Variants in PDE8A observed in about 807,000 individuals in gnomAD.
The protein encoded by PDE8A is phosphodiesterase 8A, also known as high affinity cAMP-specific and IBMX-insensitive 3',5'-cyclic phosphodiesterase 8A.
A neutral mutation model predicts 105.0 loss-of-function variants in PDE8A; 59 were observed. The ratio of observed to expected loss-of-function variants is 0.56; its 90% CI spans 0.46 to 0.70. PDE8A has a LOEUF of 0.70. PDE8A is among the 30% of genes least tolerant of loss of function. The probability of loss-of-function intolerance (pLI) is 0.00; values close to 1 mark genes in which losing one functional copy is unlikely to be tolerated. For synonymous variants in PDE8A, 355 were observed against 371.9 expected (o/e 0.95, Z 0.52); for missense variants, 1,014 against 1,045.9 (o/e 0.97, Z 0.42).
chr15:85,086,169 G>A (rs1379054724), intron 6 of PDE8A, among the ~76,000 whole-genome samples: 2 of 152,110 alleles, frequency 1.3e-5, no homozygotes, highest in African/African-American at 2.4e-5. Flanking sequence ...TGTCCTACCC[G>A]CAAAATGAAC....
intron 20 of PDE8A, 26 bp downstream of exon 20, chr15:85,126,400 C>T (rs2082259629): frequency 6.7e-7 from 1 of 1,485,514 alleles, no homozygotes; most frequent in Non-Finnish European, 9.1e-7. Flanking sequence ...TTTTAAGTTT[C>T]TAGAGAGAGA....
intron 5 of PDE8A, among the ~76,000 whole-genome samples, chr15:85,077,427 G>A (rs2081395203): frequency 6.6e-6 from 1 of 152,232 alleles, no homozygotes; most frequent in African/African-American, 2.4e-5. Flanking sequence ...GCCCAGGTTA[G>A]TATAAGAAAG....
At chr15:84,992,026 C>T (rs1021184783) in intron 1 of PDE8A, among the ~76,000 whole-genome samples, 2 of 152,218 alleles carry the variant, frequency 1.3e-5, no homozygotes, top group East Asian at 1.9e-4. Context: ...TATAGTAATA[C>T]ACACATAGGT....
chr15:85,079,075 GTGCCTCC>G (rs1248085896), intron 5 of PDE8A, among the ~76,000 whole-genome samples: 1 of 152,134 alleles, frequency 6.6e-6, no homozygotes, highest in Non-Finnish European at 1.5e-5. Flanking sequence ...CTCCTTCATG[GTGCCTCC>G]TGCTTTCTCT....
chr15:85,043,700 G>GTTT (rs1327818451), intron 1 of PDE8A, among the ~76,000 whole-genome samples: 7 of 151,186 alleles, frequency 4.6e-5, no homozygotes, highest in African/African-American at 1.7e-4. Flanking sequence ...TTGTTTGTTT[G>GTTT]TTTGTTTGTT....
intron 7 of PDE8A, among the ~76,000 whole-genome samples, chr15:85,090,464 T>C (rs1306630654): frequency 6.6e-6 from 1 of 152,240 alleles, no homozygotes; most frequent in East Asian, 1.9e-4. Flanking sequence ...TACAGTCATA[T>C]CTGAAACTTA....
chr15:85,055,402 C>T (rs1397906771), intron 1 of PDE8A, among the ~76,000 whole-genome samples: 2 of 152,144 alleles, frequency 1.3e-5, no homozygotes, highest in Admixed American at 6.5e-5. Flanking sequence ...CTAATGTTGA[C>T]AGTGGGATGT....
At chr15:85,021,474 C>T (rs1484764207) in intron 1 of PDE8A, among the ~76,000 whole-genome samples, 2 of 152,036 alleles carry the variant, frequency 1.3e-5, no homozygotes, top group Non-Finnish European at 2.9e-5. Flanking sequence ...GGGAGGATTG[C>T]TTGTGCCCAG....
In PDE8A at chr15:85,137,865, G is replaced by A; in HGVS notation, c.2452G>A (p.Glu818Lys). The A allele has an allele frequency of 3.7e-6, 6 of 1,613,328 alleles. No individual in the cohort carries two copies. The highest frequency in any genetic ancestry group is 5.1e-6 in the Non-Finnish European group (6 of 1,179,254). The change falls in exon 22 of 22, where the codon GAA becomes AAA. Residue 818 changes from glutamate to lysine, a missense_variant. By Grantham distance (56) the Glu-to-Lys change is moderately conservative. Coordinates refer to ENST00000394553, the MANE Select transcript of PDE8A (RefSeq NM_002605.3). ...NNFKYWKGLD[E>K]MKLRNLRPPP... The stretch of plus-strand genomic sequence containing the variant: ...CTTTAAATACTGGAAAGGACTGGAC[G>A]AAATGAAGCTGCGGAACCTCCGACC...
At chr15:85,086,977 C>A (rs1182337204) in intron 6 of PDE8A, among the ~76,000 whole-genome samples, 1 of 150,470 alleles carries the variant, frequency 6.6e-6, no homozygotes, top group South Asian at 2.1e-4. Flanking sequence ...TTGGTCAGGC[C>A]GGTCTCAAAC....
At chr15:84,994,139 C>T (rs1419481060) in intron 1 of PDE8A, among the ~76,000 whole-genome samples, 1 of 152,122 alleles carries the variant, frequency 6.6e-6, no homozygotes, top group African/African-American at 2.4e-5. Flanking sequence ...CGAATTCATT[C>T]CTCAAGGTCT....
intron 5 of PDE8A, among the ~76,000 whole-genome samples, chr15:85,078,220 C>T (rs373277810): frequency 4.0e-4 from 59 of 148,622 alleles, no homozygotes; most frequent in African/African-American, 1.4e-3. Context: ...GACACACACA[C>T]TAACAGCTAG....
chr15:85,064,332 G>A (rs11073916), intron 1 of PDE8A, 38 bp from the exon 2 acceptor site: 215,441 of 1,498,974 alleles, frequency 0.14, 18,562 homozygotes, highest in East Asian at 0.39. Flanking sequence ...CTCTTTCTCC[G>A]TTGTCTTTTC....
At chr15:85,123,703 C>T (rs2082217590) in intron 19 of PDE8A, among the ~76,000 whole-genome samples, 1 of 152,224 alleles carries the variant, frequency 6.6e-6, no homozygotes, top group South Asian at 2.1e-4. Context: ...CTCACAGAAA[C>T]ACCCAGGATC....
At chr15:85,046,960 C>G (rs1183766133) in intron 1 of PDE8A, among the ~76,000 whole-genome samples, 1 of 152,112 alleles carries the variant, frequency 6.6e-6, no homozygotes, top group Non-Finnish European at 1.5e-5. Context: ...ATCATATTGT[C>G]TGATATCCTA....
intron 1 of PDE8A, among the ~76,000 whole-genome samples, chr15:85,060,327 C>T (rs781438276): frequency 3.9e-5 from 6 of 152,126 alleles, no homozygotes. Flanking sequence ...TTATTCCCAC[C>T]CTTTTCAGTT....
chr15:85,003,445 C>T (rs983634383), intron 1 of PDE8A, among the ~76,000 whole-genome samples: 10 of 152,102 alleles, frequency 6.6e-5, no homozygotes, highest in African/African-American at 1.9e-4. Flanking sequence ...ACGACCTCTG[C>T]GATGGGCAAC....
intron 15 of PDE8A, 49 bp from the exon 16 acceptor site, chr15:85,115,935 A>AT (rs2082089281): frequency 2.0e-6 from 3 of 1,521,296 alleles, no homozygotes; most frequent in Non-Finnish European, 9.0e-7. Flanking sequence ...AAAAAAAAAA[A>AT]GTTAATCCTT....
intron 1 of PDE8A, among the ~76,000 whole-genome samples, chr15:84,996,725 C>T (rs2079982174): frequency 7.1e-6 from 1 of 141,672 alleles, no homozygotes; most frequent in African/African-American, 2.6e-5. Context: ...ACTCAGGAGG[C>T]TGAGGCAGGA....
Sources: gnomAD v4.1 joint callset for allele counts (sites outside exome capture counted in the v4.1 genomes callset) on GRCh38, gnomAD v4.1.1 for gene constraint, MANE v1.5 for transcripts, NCBI Gene and HGNC (gene_info 2026-07-23, HGNC 2026-07-21) for gene names.